Variants in SLC1A1 observed in about 807,000 individuals in gnomAD.
SLC1A1 encodes excitatory amino acid transporter 3.
In SLC1A1, 43 loss-of-function variants were observed where a neutral mutation model predicts 53.3. The ratio of observed to expected loss-of-function variants is 0.81; its 90% CI spans 0.63 to 1.04. The LOEUF (loss-of-function observed/expected upper bound fraction) is 1.04, where lower values mean the gene tolerates loss of function less well. Among genes scored for constraint, SLC1A1 ranks in the 50% least tolerant of loss-of-function variants. SLC1A1 has a pLI of 0.00. For synonymous variants in SLC1A1, 307 were observed against 243.2 expected, an observed-to-expected ratio of 1.26 and a Z score of -2.44; for missense variants, 748 against 664.9, an observed-to-expected ratio of 1.12 and a Z score of -1.37.
chr9:4,510,641 C>T (rs1194362043), intron 1 of SLC1A1, among the ~76,000 whole-genome samples: 5 of 152,196 alleles, frequency 3.3e-5, no homozygotes, highest in Admixed American at 1.3e-4. Context: ...GGTGTTGATA[C>T]AGCTGCCAGC....
At chr9:4,536,650 C>G (rs1816685461) in intron 1 of SLC1A1, among the ~76,000 whole-genome samples, 1 of 152,190 alleles carries the variant, frequency 6.6e-6, no homozygotes, top group African/African-American at 2.4e-5. Context: ...CCTCAGGGAT[C>G]TTGAACTAGA....
chr9:4,557,551 CG>C lies in SLC1A1; in HGVS notation c.233-3897del, dbSNP rs534067077. On this transcript the variant is annotated intron_variant, in intron 2 of 11. Transcript: ENST00000262352. ...CAATAATCCTAGCAATTTGGGAGGC[CG>C]AGGTGGGAGGATCGCTGGAGCTCAG... 2.7e-3 allele frequency among the ~76,000 whole-genome samples: 413 copies of C among 151,588 alleles called. 1 individual carries two copies. Among genetic ancestry groups the C allele is most frequent in the African/African-American group, 9.7e-3 (400 of 41,300 alleles).
intron 1 of SLC1A1, among the ~76,000 whole-genome samples, chr9:4,501,068 G>A (rs551193535): frequency 2.6e-4 from 39 of 152,264 alleles, no homozygotes; most frequent in African/African-American, 9.1e-4. Context: ...CACCACTCCC[G>A]AGCCCTTTCT....
At chr9:4,540,311 C>T (rs1049653013) in intron 1 of SLC1A1, among the ~76,000 whole-genome samples, 1 of 152,108 alleles carries the variant, frequency 6.6e-6, no homozygotes, top group Non-Finnish European at 1.5e-5. Context: ...ACATTCACCA[C>T]CCTTCAATTC....
intron 1 of SLC1A1, among the ~76,000 whole-genome samples, chr9:4,507,734 C>T (rs1398631741): frequency 6.6e-6 from 1 of 152,064 alleles, no homozygotes; most frequent in Admixed American, 6.6e-5. Flanking sequence ...CAGAGTTCGC[C>T]CAGGAGTTCC....
chr9:4,582,944 G>A lies in SLC1A1; in HGVS notation c.1194-94G>A, dbSNP rs115702012. On this transcript the variant is annotated intron_variant, in intron 10 of 11. Transcript: ENST00000262352. ...CCAATTTAGGGACACAGCAGTAATA[G>A]CCATCGGGACTAAGCGGGAGTAACC... The A allele has an allele frequency of 6.7e-4, 992 of 1,490,538 alleles. 6 individuals are homozygous for A. In the African/African-American group the frequency reaches 0.012, roughly 18 times the overall value. 92.3% of individuals were successfully genotyped at this position (1,490,538 alleles called of 1,614,324 possible).
At chr9:4,523,828 C>A (rs2130836820) in intron 1 of SLC1A1, among the ~76,000 whole-genome samples, 1 of 152,146 alleles carries the variant, frequency 6.6e-6, no homozygotes, top group African/African-American at 2.4e-5. Flanking sequence ...TTTGTTCTTC[C>A]CATTGTTATA....
chr9:4,583,880 T>TCA lies in SLC1A1; in HGVS notation c.1328+709_1328+710insAC, dbSNP rs1554691056. ...CTCTCTCTCTCTCTCTCTCTCTCTC[T>TCA]CTCACACACACACACACACACACAC... On this transcript the variant is annotated intron_variant, in intron 11 of 11. Coordinates refer to ENST00000262352, the MANE Select transcript of SLC1A1 (RefSeq NM_004170.6). This position sits in a 1 kb window ranked among gnomAD's most constrained non-coding sequence, Gnocchi z 4.6. Among the ~76,000 whole-genome samples the TCA allele has an allele frequency of 7.8e-3, 1,027 of 131,652 alleles. 5 individuals carry two copies. Among genetic ancestry groups the TCA allele is most frequent in the African/African-American group, 0.032 (970 of 29,964 alleles). The allele number at this position is 131,652 out of a possible 152,430, so 86.4% of individuals were successfully genotyped here.
rs543137335 is a variant in SLC1A1, at chr9:4,539,809, A to T, written c.92-4758A>T. On this transcript the variant is annotated intron_variant, in intron 1 of 11. Transcript: ENST00000262352. ...ATGGTCTCAAACTCCTGACCTCGTG[A>T]TCCATCTGCCTTGGCCTCCCAAAGT... is the stretch of plus-strand genomic sequence containing the variant. Among the ~76,000 whole-genome samples the T allele has an allele frequency of 1.2e-4, 19 of 152,188 alleles. No homozygotes were observed. The South Asian group carries it at 3.9e-3, about 32-fold the overall frequency.
intron 1 of SLC1A1, among the ~76,000 whole-genome samples, chr9:4,538,117 T>C (rs1040009849): frequency 1.2e-4 from 19 of 152,184 alleles, no homozygotes; most frequent in Admixed American, 9.8e-4. Context: ...TCTCAGTTAA[T>C]TAAGAAAGCT....
chr9:4,512,271 G>A (rs952209757), intron 1 of SLC1A1, among the ~76,000 whole-genome samples: 1 of 152,148 alleles, frequency 6.6e-6, no homozygotes, highest in African/African-American at 2.4e-5. Flanking sequence ...CCAGCACTTT[G>A]GGAGGCTGAG....
chr9:4,547,061 T>C (rs1007848415), intron 2 of SLC1A1, among the ~76,000 whole-genome samples: 1 of 152,234 alleles, frequency 6.6e-6, no homozygotes, highest in African/African-American at 2.4e-5. Context: ...TGTATGAATG[T>C]CTAATTCTGT....
At chr9:4,570,800 T>C (rs892474913) in intron 6 of SLC1A1, among the ~76,000 whole-genome samples, 1 of 151,960 alleles carries the variant, frequency 6.6e-6, no homozygotes, top group Non-Finnish European at 1.5e-5. Flanking sequence ...ACCCAGCTAC[T>C]TGGGAGGCTG....
At position 4,583,266 on chromosome 9, in the gene SLC1A1, TTGCCTAA is replaced by T. The variant is rs1318978573; in HGVS notation, c.1328+97_1328+103del. 7.9e-6 allele frequency: 12 copies of T among 1,510,586 alleles called. No individual in the cohort carries two copies. The highest frequency in any genetic ancestry group is 1.1e-5 in the Non-Finnish European group (12 of 1,088,338). 93.6% of individuals were successfully genotyped at this position (1,510,586 alleles called of 1,614,324 possible). A position where few individuals can be genotyped will look rare whatever the true frequency, so the allele number is the denominator to read the frequency against. On this transcript the variant is annotated intron_variant, in intron 11 of 11. Coordinates refer to ENST00000262352, the MANE Select transcript of SLC1A1 (RefSeq NM_004170.6). The surrounding 1 kb of genome is among the most constrained non-coding windows in gnomAD (Gnocchi z 4.6). ...AGTCTGTCATCATTCTCTCCTCAGATTGCCTAATGAGCCACCTGTTGCTGCTTTAATT... is the reference window on the plus strand; with the variant it reads ...AGTCTGTCATCATTCTCTCCTCAGATTGAGCCACCTGTTGCTGCTTTAATT...
At chr9:4,497,718 A>C (rs1820484087) in intron 1 of SLC1A1, among the ~76,000 whole-genome samples, 1 of 152,222 alleles carries the variant, frequency 6.6e-6, no homozygotes, top group Non-Finnish European at 1.5e-5. Flanking sequence ...ACTAGATTAC[A>C]GACCCCTTGA....
At position 4,556,860 on chromosome 9, in the gene SLC1A1, G is replaced by A. The variant is rs903503850; in HGVS notation, c.233-4589G>A. 3.3e-5 allele frequency among the ~76,000 whole-genome samples: 5 copies of A among 152,050 alleles called. No individual in the cohort carries two copies. Among genetic ancestry groups the A allele is most frequent in the Non-Finnish European group, 5.9e-5 (4 of 68,014 alleles). ...CTATATAACCAGATATACAGTTTGC[G>A]GTTTTAGAATTTCAGAGGGGTGGTG... On this transcript the variant is annotated intron_variant, in intron 2 of 11. Transcript: ENST00000262352. This position sits in a 1 kb window ranked among gnomAD's most constrained non-coding sequence, Gnocchi z 4.1.
chr9:4,522,045 TTTTTTTTTC>T lies in SLC1A1; in HGVS notation c.92-22513_92-22505del, dbSNP rs1222291962. Among the ~76,000 whole-genome samples, 635 of 83,812 alleles carry T rather than the reference TTTTTTTTTC, an allele frequency of 7.6e-3. 8 individuals are homozygous for T. The highest frequency in any genetic ancestry group is 0.056 in the South Asian group (146 of 2,606). 55.0% of individuals were successfully genotyped at this position (83,812 alleles called of 152,430 possible). On this transcript the variant is annotated intron_variant, in intron 1 of 11. Transcript: ENST00000262352. ...TCTAATGAATCAGAACCTGCCTCTT[TTTTTTTTTC>T]TTTTTTTTTTTTTTTGAGATGGAGT...
At chr9:4,512,555 T>G (rs777917274) in intron 1 of SLC1A1, among the ~76,000 whole-genome samples, 2 of 151,860 alleles carry the variant, frequency 1.3e-5, no homozygotes, top group Non-Finnish European at 2.9e-5. Flanking sequence ...GATAAAGGCA[T>G]TAGAAGAGCT....
In SLC1A1 at chr9:4,583,882, TCACA is replaced by T. The variant is rs113177004; in HGVS notation, c.1328+737_1328+740del. Among the ~76,000 whole-genome samples the T allele has an allele frequency of 5.8e-4, 80 of 136,988 alleles. No homozygotes were observed. The highest frequency in any genetic ancestry group is 5.0e-3 in the East Asian group (24 of 4,848). The allele number at this position is 136,988 out of a possible 152,430, so 89.9% of individuals were successfully genotyped here. On this transcript the variant is annotated intron_variant, in intron 11 of 11. Coordinates refer to ENST00000262352, the MANE Select transcript of SLC1A1 (RefSeq NM_004170.6). This position sits in a 1 kb window ranked among gnomAD's most constrained non-coding sequence, Gnocchi z 4.6. Reference sequence around the variant, plus strand: ...CTCTCTCTCTCTCTCTCTCTCTCTCTCACACACACACACACACACACACACACAC... The same window carrying T: ...CTCTCTCTCTCTCTCTCTCTCTCTCTCACACACACACACACACACACACAC...
Sources: allele counts gnomAD v4.1 joint callset (sites outside exome capture counted in the v4.1 genomes callset), GRCh38; gene constraint gnomAD v4.1.1; non-coding constraint Gnocchi (gnomAD v3.1); transcripts MANE v1.5; gene names NCBI Gene and HGNC (gene_info 2026-07-23, HGNC 2026-07-21).